The following NT5C3A variants were observed in gnomAD, a reference collection of about 807,000 sequenced individuals.
NT5C3A encodes cytosolic 5'-nucleotidase 3A.
In NT5C3A, 23 loss-of-function variants were observed where a neutral mutation model predicts 40.0. That is an observed-to-expected ratio of 0.58 (90% CI 0.41 to 0.81). The LOEUF is 0.81. Ranked by LOEUF, NT5C3A falls within the 40% of genes least tolerant of loss-of-function variation. The pLI is 0.00. For missense variants in NT5C3A, 328 were observed against 403.0 expected, an observed-to-expected ratio of 0.81 and a Z score of 1.59; for synonymous variants, 130 against 141.4, an observed-to-expected ratio of 0.92 and a Z score of 0.57.
intron 1 of NT5C3A, among the ~76,000 whole-genome samples, chr7:33,048,142 T>C (rs932975461): frequency 2.2e-4 from 34 of 151,804 alleles, no homozygotes; most frequent in African/African-American, 8.2e-4. Context: ...ATACCATAAA[T>C]GGCGTCTTCA....
At chr7:33,024,132 T>C in intron 2 of NT5C3A, 24 bp from the exon 3 acceptor site, 1 of 1,417,604 alleles carries the variant, frequency 7.1e-7, no homozygotes. Flanking sequence ...GTGAAATGCA[T>C]TATTGTAAAC....
chr7:33,056,775 C>T (rs962945949), intron 1 of NT5C3A, among the ~76,000 whole-genome samples: 2 of 152,074 alleles, frequency 1.3e-5, no homozygotes, highest in Admixed American at 6.6e-5. Flanking sequence ...AGTGGGCTTT[C>T]GATTCACTCA....
intron 1 of NT5C3A, among the ~76,000 whole-genome samples, chr7:33,053,246 GGT>G (rs1787442967): frequency 6.6e-6 from 1 of 152,084 alleles, no homozygotes; most frequent in South Asian, 2.1e-4. Flanking sequence ...GGAGTGCAAT[GGT>G]GTAATTTTGG....
At chr7:33,060,662 C>G (rs1038903810) in intron 1 of NT5C3A, among the ~76,000 whole-genome samples, 11 of 152,086 alleles carry the variant, frequency 7.2e-5, no homozygotes, top group African/African-American at 1.7e-4. Context: ...TAGTTAACTC[C>G]GTTAGCTGTG....
intron 2 of NT5C3A, among the ~76,000 whole-genome samples, chr7:33,026,597 T>G (rs1785949140): frequency 6.6e-6 from 1 of 151,604 alleles, no homozygotes; most frequent in African/African-American, 2.4e-5. Context: ...CTCAGCCTTG[T>G]CCACCCGCCT....
At chr7:33,062,240 G>C (rs922100441) in intron 1 of NT5C3A, among the ~76,000 whole-genome samples, 2 of 152,188 alleles carry the variant, frequency 1.3e-5, no homozygotes, top group African/African-American at 4.8e-5. Flanking sequence ...TATCTCTAGA[G>C]AAACGGGTTT....
At chr7:33,054,932 T>A (rs1787511907) in intron 1 of NT5C3A, among the ~76,000 whole-genome samples, 1 of 152,202 alleles carries the variant, frequency 6.6e-6, no homozygotes, top group Admixed American at 6.5e-5. Context: ...AGCTTCCACA[T>A]CTCACTAGGA....
Position 33,024,071 on chromosome 7 carries a change from G to A in NT5C3A, c.275C>T (p.Ser92Leu). ...TDFDMTLSRFSYKGKRCPTCH... is the reference protein window; with the variant it reads ...TDFDMTLSRFLYKGKRCPTCH... The stretch of plus-strand genomic sequence containing the variant: ...TGTTGGGCATCTTTTCCCTTTATAT[G>A]AAAATCTACTGAGTGTCATATCAAA... Residue 92 changes from serine (S) to leucine (L), a missense_variant, in exon 3 of 9, where the codon TCA becomes TTA. Coordinates refer to ENST00000610140, the MANE Select transcript of NT5C3A (RefSeq NM_001002010.5). 6.3e-7 allele frequency: 1 copy of A among 1,581,884 alleles called. No homozygotes were observed. Among genetic ancestry groups the A allele is most frequent in the Non-Finnish European group, 8.7e-7 (1 of 1,151,310 alleles).
At chr7:33,023,926 G>A in intron 3 of NT5C3A, 113 bp downstream of exon 3, 1 of 716,826 alleles carries the variant, frequency 1.4e-6, no homozygotes, top group East Asian at 2.7e-5. Context: ...TCTCCTCACT[G>A]TCAATGTCCA....
chr7:33,038,795 T>C, intron 1 of NT5C3A: 2 of 455,052 alleles, frequency 4.4e-6, no homozygotes, highest in South Asian at 1.6e-5. Flanking sequence ...AACCTATACC[T>C]GGTATATAAA....
chr7:33,014,119 T>A (rs1426526273), downstream of NT5C3A: 3 of 423,534 alleles, frequency 7.1e-6, no homozygotes, highest in Non-Finnish European at 1.4e-5. Context: ...AAGATAGTTT[T>A]GACCATAGAA....
At chr7:33,051,869 G>T (rs1014940396) in intron 1 of NT5C3A, among the ~76,000 whole-genome samples, 8 of 152,026 alleles carry the variant, frequency 5.3e-5, no homozygotes, top group Admixed American at 1.3e-4. Flanking sequence ...TCTACAATGT[G>T]GTCCCAACAC....
At chr7:33,026,335 C>T (rs931077389) in intron 2 of NT5C3A, among the ~76,000 whole-genome samples, 1 of 124,700 alleles carries the variant, frequency 8.0e-6, no homozygotes, top group African/African-American at 3.1e-5. Context: ...GGCAACAGAG[C>T]GAGACTCCAT....
intron 1 of NT5C3A, among the ~76,000 whole-genome samples, chr7:33,034,248 C>T (rs1027236401): frequency 2.0e-5 from 3 of 151,952 alleles, no homozygotes; most frequent in African/African-American, 4.8e-5. Context: ...TAAATTAATG[C>T]AATAATAGTT....
intron 1 of NT5C3A, among the ~76,000 whole-genome samples, chr7:33,059,394 C>T (rs1339406147): frequency 6.6e-6 from 1 of 152,110 alleles, no homozygotes; most frequent in East Asian, 1.9e-4. Context: ...CTTGTGATTC[C>T]ACATTTCCCT....
chr7:33,033,896 T>TATATATAA (rs10691796), intron 1 of NT5C3A, among the ~76,000 whole-genome samples: 185 of 120,138 alleles, frequency 1.5e-3, no homozygotes, highest in African/African-American at 5.8e-3. Flanking sequence ...ATATATATAA[T>TATATATAA]TTTTTTTTTT....
intron 1 of NT5C3A, among the ~76,000 whole-genome samples, chr7:33,059,702 G>C (rs1035389730): frequency 5.3e-5 from 8 of 152,176 alleles, no homozygotes; most frequent in Admixed American, 5.2e-4. Flanking sequence ...CACATGGCTT[G>C]ATAAATGAGA....
intron 1 of NT5C3A, among the ~76,000 whole-genome samples, chr7:33,034,016 G>A (rs1333197376): frequency 1.3e-5 from 2 of 150,366 alleles, no homozygotes; most frequent in African/African-American, 4.9e-5. Context: ...TCAGCCTCCC[G>A]AGTAGCTGGG....
intron 5 of NT5C3A, among the ~76,000 whole-genome samples, chr7:33,020,603 A>G (rs1485871653): frequency 2.0e-5 from 3 of 152,212 alleles, no homozygotes; most frequent in African/African-American, 7.2e-5. Flanking sequence ...ACTGTTACGT[A>G]ACGGGACAAT....
Sources: gnomAD v4.1 joint callset for allele counts (sites outside exome capture counted in the v4.1 genomes callset) on GRCh38, gnomAD v4.1.1 for gene constraint, MANE v1.5 for transcripts, NCBI Gene and HGNC (gene_info 2026-07-23, HGNC 2026-07-21) for gene names.